FBXL7: variants seen among roughly 807,000 people sequenced by gnomAD.
FBXL7 encodes the protein F-box/LRR-repeat protein 7.
In FBXL7, 12 loss-of-function variants were observed where a neutral mutation model predicts 38.3. The observed-to-expected ratio is 0.31, with a 90% CI of 0.20 to 0.51. FBXL7 has a LOEUF of 0.51. FBXL7 is among the 20% of genes least tolerant of loss of function. FBXL7 has a pLI of 0.98. For synonymous variants in FBXL7, 297 were observed against 300.9 expected (o/e 0.99, Z 0.13); for missense variants, 567 against 676.4 (o/e 0.84, Z 1.79).
intron 2 of FBXL7, among the ~76,000 whole-genome samples, chr5:15,740,725 A>G (rs935236193): frequency 1.3e-5 from 2 of 152,236 alleles, no homozygotes; most frequent in Admixed American, 6.5e-5. Flanking sequence ...ACCAAAATAC[A>G]TATGATACAA....
chr5:15,530,433 A>T (rs1737386479), intron 1 of FBXL7, among the ~76,000 whole-genome samples: 1 of 152,166 alleles, frequency 6.6e-6, no homozygotes, highest in Non-Finnish European at 1.5e-5. Flanking sequence ...AATGAGCCTT[A>T]TTTGTTCATT....
intron 2 of FBXL7, among the ~76,000 whole-genome samples, chr5:15,736,972 A>G (rs763508170): frequency 9.9e-5 from 15 of 152,166 alleles, no homozygotes; most frequent in Non-Finnish European, 1.9e-4. Context: ...CTATGGGCTA[A>G]CTATAACACC....
chr5:15,899,769 C>T (rs1393910037), intron 2 of FBXL7, among the ~76,000 whole-genome samples: 1 of 152,114 alleles, frequency 6.6e-6, no homozygotes, highest in Admixed American at 6.6e-5. Flanking sequence ...TTCAGGAGCC[C>T]ATAAAGACCT....
At chr5:15,934,450 A>G (rs911007198) in intron 3 of FBXL7, among the ~76,000 whole-genome samples, 1 of 151,990 alleles carries the variant, frequency 6.6e-6, no homozygotes, top group African/African-American at 2.4e-5. Context: ...TAAATATACC[A>G]TGAAATAAGT....
At chr5:15,707,729 A>C (rs112940532) in intron 2 of FBXL7, among the ~76,000 whole-genome samples, 1 of 152,298 alleles carries the variant, frequency 6.6e-6, no homozygotes, top group South Asian at 2.1e-4. Context: ...AGGTTTTTCC[A>C]TCTGATTTTG....
intron 1 of FBXL7, among the ~76,000 whole-genome samples, chr5:15,588,578 G>A (rs2126477191): frequency 6.6e-6 from 1 of 152,084 alleles, no homozygotes; most frequent in African/African-American, 2.4e-5. Flanking sequence ...GTAGAGACAG[G>A]GTTTCAGCAT....
intron 2 of FBXL7, among the ~76,000 whole-genome samples, chr5:15,678,967 A>G (rs1332696382): frequency 6.6e-6 from 1 of 152,256 alleles, no homozygotes; most frequent in Non-Finnish European, 1.5e-5. Context: ...TCAGGCAGCT[A>G]CAAAGGGCTT....
At chr5:15,859,420 A>T (rs1273929962) in intron 2 of FBXL7, among the ~76,000 whole-genome samples, 1 of 152,142 alleles carries the variant, frequency 6.6e-6, no homozygotes, top group Non-Finnish European at 1.5e-5. Context: ...TGAGTAAAGG[A>T]CAAATTATCT....
In FBXL7 at chr5:15,554,057, G is replaced by C. The variant is rs1738162799; in HGVS notation, c.37+53344G>C. On this transcript the variant is annotated intron_variant, in intron 1 of 3. Coordinates refer to ENST00000504595, the MANE Select transcript of FBXL7 (RefSeq NM_012304.5). ...TCTGATTCAATTCCTGGGGGAGAGA[G>C]AGAATTGGCTTGATATTGCCTCTGA... is the stretch of plus-strand genomic sequence containing the variant. 2.0e-5 allele frequency among the ~76,000 whole-genome samples: 3 copies of C among 152,284 alleles called. No individual in the cohort carries two copies. The Middle Eastern group carries it at 0.01, about 518-fold the overall frequency.
In FBXL7 at chr5:15,542,532, A is replaced by G. The variant is rs552955405; in HGVS notation, c.37+41819A>G. On this transcript the variant is annotated intron_variant, in intron 1 of 3. Coordinates refer to ENST00000504595, the MANE Select transcript of FBXL7 (RefSeq NM_012304.5). ...TAATATTTTTTCCAGTATAATTACTATCTACTAGGTTCATACGATCTTCTG... is the reference window on the plus strand; with the variant it reads ...TAATATTTTTTCCAGTATAATTACTGTCTACTAGGTTCATACGATCTTCTG... Among the ~76,000 whole-genome samples the G allele has an allele frequency of 2.0e-5, 3 of 152,332 alleles. No homozygotes were observed. The East Asian group carries it at 5.8e-4, about 29-fold the overall frequency.
intron 2 of FBXL7, among the ~76,000 whole-genome samples, chr5:15,721,438 G>T (rs543120330): frequency 2.0e-5 from 3 of 152,144 alleles, no homozygotes; most frequent in South Asian, 4.2e-4. Flanking sequence ...AGCAAACAAG[G>T]TTTCAAACAC....
At chr5:15,710,885 G>A (rs375997202) in intron 2 of FBXL7, among the ~76,000 whole-genome samples, 25 of 152,218 alleles carry the variant, frequency 1.6e-4, no homozygotes, top group African/African-American at 5.8e-4. Flanking sequence ...GTTTGGCTGT[G>A]TCCCCACCCA....
In FBXL7 at chr5:15,928,580, AG is replaced by A; in HGVS notation, c.739+82del. ...ACAGTGGGGACAGTGCCACCACCGGAGGGTCCTCTTCTTGCAAGCCATCAGA... is the reference window on the plus strand; with the variant it reads ...ACAGTGGGGACAGTGCCACCACCGGAGGTCCTCTTCTTGCAAGCCATCAGA... On this transcript the variant is annotated intron_variant, in intron 3 of 3. Transcript: ENST00000504595. The surrounding 1 kb of genome is among the most constrained non-coding windows in gnomAD (Gnocchi z 4.0). The A allele has an allele frequency of 1.7e-5, 25 of 1,514,012 alleles. No individual in the cohort carries two copies. Among genetic ancestry groups the A allele is most frequent in the Non-Finnish European group, 2.1e-5 (24 of 1,130,456 alleles). The allele number at this position is 1,514,012 out of a possible 1,614,324, so 93.8% of individuals were successfully genotyped here. A position where few individuals can be genotyped will look rare whatever the true frequency, so the allele number is the denominator to read the frequency against.
chr5:15,777,389 TA>T (rs984525892), intron 2 of FBXL7, among the ~76,000 whole-genome samples: 10 of 152,144 alleles, frequency 6.6e-5, no homozygotes, highest in African/African-American at 1.9e-4. Flanking sequence ...AACCAATTGG[TA>T]ATATATGGAT....
intron 1 of FBXL7, among the ~76,000 whole-genome samples, chr5:15,604,369 A>G (rs1041836188): frequency 2.0e-5 from 3 of 152,198 alleles, no homozygotes; most frequent in Admixed American, 6.5e-5. Flanking sequence ...ATTTTATTTT[A>G]TTTGAGACAG....
intron 2 of FBXL7, among the ~76,000 whole-genome samples, chr5:15,906,115 G>A (rs181449845): frequency 6.6e-6 from 1 of 152,074 alleles, no homozygotes; most frequent in Non-Finnish European, 1.5e-5. Context: ...TCTAAATAAA[G>A]ATCATCGCCA....
intron 2 of FBXL7, among the ~76,000 whole-genome samples, chr5:15,639,287 C>G (rs1741280864): frequency 6.6e-6 from 1 of 152,186 alleles, no homozygotes; most frequent in Non-Finnish European, 1.5e-5. Flanking sequence ...TGGTTTGGCT[C>G]TGTGTCCCCA....
intron 1 of FBXL7, among the ~76,000 whole-genome samples, chr5:15,545,443 C>T (rs1033013660): frequency 1.3e-5 from 2 of 152,082 alleles, no homozygotes; most frequent in African/African-American, 4.8e-5. Flanking sequence ...ACAGACAATC[C>T]CTTCTGGACA....
chr5:15,508,995 G>A (rs1156407243), intron 1 of FBXL7, among the ~76,000 whole-genome samples: 2 of 152,114 alleles, frequency 1.3e-5, no homozygotes, highest in Non-Finnish European at 2.9e-5. Flanking sequence ...CCTAAAACAC[G>A]TAGATCTACT....
Sources: gnomAD v4.1 joint callset for allele counts (sites outside exome capture counted in the v4.1 genomes callset) on GRCh38, gnomAD v4.1.1 for gene constraint, Gnocchi (gnomAD v3.1) non-coding constraint, MANE v1.5 for transcripts, NCBI Gene and HGNC (gene_info 2026-07-23, HGNC 2026-07-21) for gene names.